The following THADA variants were observed in gnomAD, a reference collection of about 807,000 sequenced individuals.
THADA encodes the protein THADA armadillo repeat containing, also known as tRNA (32-2'-O)-methyltransferase regulator THADA.
In THADA, 213 loss-of-function variants were observed where a neutral mutation model predicts 219.8. The ratio of observed to expected loss-of-function variants is 0.97; its 90% CI spans 0.87 to 1.09. The LOEUF is 1.09. THADA is among the 50% of genes least tolerant of loss of function. The probability of loss-of-function intolerance (pLI) is 0.00; values close to 1 mark genes in which losing one functional copy is unlikely to be tolerated. For synonymous variants in THADA, 1,018 were observed against 828.9 expected (o/e 1.23, Z -3.92); for missense variants, 2,956 against 2,311.3 (o/e 1.28, Z -5.72).
At chr2:43,495,592 T>G (rs1688168321) in intron 25 of THADA, among the ~76,000 whole-genome samples, 1 of 152,080 alleles carries the variant, frequency 6.6e-6, no homozygotes, top group East Asian at 1.9e-4. Flanking sequence ...GCACATGTAT[T>G]ACTGTTTAGG....
intron 22 of THADA, among the ~76,000 whole-genome samples, chr2:43,521,596 C>G (rs1040062649): frequency 1.3e-5 from 2 of 152,184 alleles, no homozygotes; most frequent in African/African-American, 2.4e-5. Context: ...TTTTCCTATG[C>G]TAAGTGCTAT....
intron 36 of THADA, among the ~76,000 whole-genome samples, chr2:43,244,838 G>GT (rs1167312037): frequency 6.6e-6 from 1 of 152,190 alleles, no homozygotes; most frequent in Non-Finnish European, 1.5e-5. Context: ...TGACCAGGTG[G>GT]TAAGTGCCTT....
At position 43,231,226 on chromosome 2, in the gene THADA, G is replaced by A; in HGVS notation, c.5584C>T (p.Pro1862Ser). The A allele has an allele frequency of 1.2e-6, 2 of 1,613,792 alleles. No homozygotes were observed. The highest frequency in any genetic ancestry group is 1.7e-6 in the Non-Finnish European group (2 of 1,179,798). ...TGACAGAGCATCTCAGGGCTTGGGG[G>A]ACGCCAGCCGGACTTTGAGAGGAGA... is the stretch of plus-strand genomic sequence containing the variant. Reference protein sequence around the residue: ...FCLLSKSGWRPPSPEMLCHLQ... With the variant: ...FCLLSKSGWRSPSPEMLCHLQ... The change falls in exon 38 of 38, where the codon CCC becomes TCC. Residue 1862 changes from proline to serine, a missense_variant. Physicochemically the swap from Pro to Ser is moderately conservative, Grantham distance 74. Transcript: ENST00000405975.
rs1374892504 is a variant in THADA at position 43,581,757 on chromosome 2, G to A, written c.705C>T (p.Thr235=). The A allele has an allele frequency of 5.0e-6, 8 of 1,610,008 alleles. No homozygotes were observed. The highest frequency in any genetic ancestry group is 1.3e-5 in the African/African-American group (1 of 74,644). Residue 235 remains threonine (T), a synonymous_variant, in exon 8 of 38, where the codon ACC becomes ACT. Coordinates refer to ENST00000405975, the MANE Select transcript of THADA (RefSeq NM_022065.5). The part of the protein sequence containing the change: ...QNMCGLLSIF[T]KVLSDDDLLQ... ...TACACTTACCATCGCTTAAAACCTT[G>A]GTAAAAATACTCAGCAATCCACACA...
At chr2:43,558,383 TGA>T (rs1490989369) in intron 16 of THADA, among the ~76,000 whole-genome samples, 11 of 152,208 alleles carry the variant, frequency 7.2e-5, no homozygotes, top group Middle Eastern at 3.2e-3. Flanking sequence ...TGGTTAATAC[TGA>T]GTGTCAGCTT....
intron 21 of THADA, among the ~76,000 whole-genome samples, chr2:43,536,896 T>A (rs550922043): frequency 6.6e-6 from 1 of 152,208 alleles, no homozygotes; most frequent in Admixed American, 6.5e-5. Flanking sequence ...TAAGTGTTTA[T>A]CAGAGTACCT....
chr2:43,419,366 G>A (rs1283866147), intron 28 of THADA, among the ~76,000 whole-genome samples: 1 of 152,220 alleles, frequency 6.6e-6, no homozygotes, highest in South Asian at 2.1e-4. Context: ...GGACGTGAGG[G>A]TGAAGGTATC....
At position 43,292,092 on chromosome 2, in the gene THADA, T is replaced by A. The variant is rs752346798; in HGVS notation, c.4937+12A>T. The A allele has an allele frequency of 1.3e-6, 2 of 1,576,586 alleles. No individual in the cohort carries two copies. Among genetic ancestry groups the A allele is most frequent in the African/African-American group, 1.3e-5 (1 of 74,224 alleles). On this transcript the variant is annotated intron_variant, in intron 33 of 37. Transcript: ENST00000405975. ...TCTTACCAAGGTTGCACAGGAGGTT[T>A]TGGGGGCAAACCTTTCATTGGAAGC...
At chr2:43,291,911 G>A in intron 33 of THADA, 143 bp from the exon 34 acceptor site, 1 of 807,014 alleles carries the variant, frequency 1.2e-6, no homozygotes, top group Non-Finnish European at 1.9e-6. Context: ...GCCTCCGGAA[G>A]CAATTACCTT....
At chr2:43,248,148 T>TAGAGAGAGAGAGAGAG (rs1669367274) in intron 36 of THADA, among the ~76,000 whole-genome samples, 1 of 92,210 alleles carries the variant, frequency 1.1e-5, no homozygotes, top group African/African-American at 3.9e-5. Flanking sequence ...TATATATATA[T>TAGAGAGAGAGAGAGAG]ATATATATAT....
At chr2:43,459,755 G>A (rs1467097747) in intron 26 of THADA, among the ~76,000 whole-genome samples, 1 of 152,170 alleles carries the variant, frequency 6.6e-6, no homozygotes, top group Non-Finnish European at 1.5e-5. Context: ...ATCTCTCAGA[G>A]TCTGGCCCAA....
At position 43,282,911 on chromosome 2, in the gene THADA, C is replaced by T. The variant is rs568795614; in HGVS notation, c.5165-3015G>A. 7.9e-5 allele frequency among the ~76,000 whole-genome samples: 12 copies of T among 152,270 alleles called. No individual in the cohort carries two copies. The East Asian group carries it at 2.3e-3, about 29-fold the overall frequency. ...TGGAAACCAGATAAGATCTGTACATCCATTTAATTTCAAAATATCTCCACC... is the reference window on the plus strand; with the variant it reads ...TGGAAACCAGATAAGATCTGTACATTCATTTAATTTCAAAATATCTCCACC... On this transcript the variant is annotated intron_variant, in intron 35 of 37. Coordinates refer to ENST00000405975, the MANE Select transcript of THADA (RefSeq NM_022065.5).
intron 17 of THADA, 150 bp downstream of exon 17, chr2:43,556,195 T>C: frequency 7.0e-7 from 1 of 1,423,484 alleles, no homozygotes. Flanking sequence ...AAAATGTTCA[T>C]TTGCATAATG....
rs10204735 is a variant in THADA at position 43,528,277 on chromosome 2, C to A, written c.3265-289G>T. On this transcript the variant is annotated intron_variant, in intron 21 of 37. Coordinates refer to ENST00000405975, the MANE Select transcript of THADA (RefSeq NM_022065.5). ...TCCCAAGTAGCTGGGATTACAGGCA[C>A]CTGCCACCACGCCTGGCTAATTTTT... is the stretch of plus-strand genomic sequence containing the variant. 8.3e-3 allele frequency among the ~76,000 whole-genome samples: 1,264 copies of A among 151,860 alleles called. 21 individuals carry two copies. Among genetic ancestry groups the A allele is most frequent in the African/African-American group, 0.029 (1,220 of 41,408 alleles).
At chr2:43,482,297 T>C (rs1686320299) in intron 26 of THADA, among the ~76,000 whole-genome samples, 1 of 152,170 alleles carries the variant, frequency 6.6e-6, no homozygotes, top group Non-Finnish European at 1.5e-5. Context: ...AATTCAGTCA[T>C]TACAGGTACC....
chr2:43,523,979 C>T (rs1187307598), intron 22 of THADA, among the ~76,000 whole-genome samples: 5 of 152,080 alleles, frequency 3.3e-5, no homozygotes, highest in South Asian at 2.1e-4. Flanking sequence ...ATCAGAAGAA[C>T]GACTTCAAAT....
intron 26 of THADA, among the ~76,000 whole-genome samples, chr2:43,481,664 C>T (rs1045730819): frequency 1.3e-5 from 2 of 152,126 alleles, no homozygotes; most frequent in African/African-American, 4.8e-5. Flanking sequence ...TTTTGTCTTC[C>T]TAACTGAACT....
chr2:43,279,664 T>G lies in THADA; in HGVS notation c.5296+101A>C. On this transcript the variant is annotated intron_variant, in intron 36 of 37. Coordinates refer to ENST00000405975, the MANE Select transcript of THADA (RefSeq NM_022065.5). Reference sequence around the variant, plus strand: ...TGGCAGAGTTGAGACACAGACCAAATGACCAACAATGCCTAAGATACTATC... The same window carrying G: ...TGGCAGAGTTGAGACACAGACCAAAGGACCAACAATGCCTAAGATACTATC... The G allele has an allele frequency of 3.5e-6, 5 of 1,417,394 alleles. No individual in the cohort carries two copies. The South Asian group carries it at 6.1e-5, about 17-fold the overall frequency. The allele number at this position is 1,417,394 out of a possible 1,614,324, so 87.8% of individuals were successfully genotyped here. A position where few individuals can be genotyped will look rare whatever the true frequency, so the allele number is the denominator to read the frequency against.
intron 21 of THADA, chr2:43,538,364 T>C (rs1339613368): frequency 4.6e-5 from 7 of 152,206 alleles, no homozygotes; most frequent in African/African-American, 2.4e-5. Flanking sequence ...CTGCCTCTTG[T>C]ACAGGAACAC....
Sources: allele counts gnomAD v4.1 joint callset (sites outside exome capture counted in the v4.1 genomes callset), GRCh38; gene constraint gnomAD v4.1.1; transcripts MANE v1.5; gene names NCBI Gene and HGNC (gene_info 2026-07-23, HGNC 2026-07-21).